INIP: variants seen among roughly 807,000 people sequenced by gnomAD.
INIP encodes the protein SOSS complex subunit C.
A neutral mutation model predicts 14.0 loss-of-function variants in INIP; 9 were observed. That is an observed-to-expected ratio of 0.64 (90% CI 0.39 to 1.12). INIP has a LOEUF of 1.12. Among genes scored for constraint, INIP ranks in the 50% most tolerant of loss-of-function variants. The pLI, the probability that INIP is intolerant of heterozygous loss-of-function variation, is 0.01. For missense variants in INIP, 78 were observed against 122.7 expected, an observed-to-expected ratio of 0.64 and a Z score of 1.72; for synonymous variants, 37 against 41.5, an observed-to-expected ratio of 0.89 and a Z score of 0.41.
At chr9:112,693,972 G>T (rs1361874817) in intron 3 of INIP, 159 bp downstream of exon 3, 1 of 424,520 alleles carries the variant, frequency 2.4e-6, no homozygotes, top group Non-Finnish European at 4.2e-6. Flanking sequence ...CTACTCGGGA[G>T]GCTGAGGCAG....
chr9:112,688,073 G>C (rs45498792), intron 4 of INIP, among the ~76,000 whole-genome samples: 1 of 148,502 alleles, frequency 6.7e-6, no homozygotes, highest in Non-Finnish European at 1.5e-5. Context: ...GCGACAGAGC[G>C]AGACTCCATC....
chr9:112,711,294 T>C (rs1838641929), intron 2 of INIP, among the ~76,000 whole-genome samples: 1 of 152,178 alleles, frequency 6.6e-6, no homozygotes, highest in South Asian at 2.1e-4. Context: ...TGCTGGTTCC[T>C]AGTAGCAGCA....
intron 4 of INIP, among the ~76,000 whole-genome samples, 194 bp from the exon 5 acceptor site, chr9:112,687,827 G>GCCT (rs1837731968): frequency 6.6e-6 from 1 of 151,900 alleles, no homozygotes; most frequent in Non-Finnish European, 1.5e-5. Flanking sequence ...GGCTCACACT[G>GCCT]GTAATCCCAG....
At chr9:112,706,536 G>A (rs149240508) in intron 2 of INIP, among the ~76,000 whole-genome samples, 35 of 152,004 alleles carry the variant, frequency 2.3e-4, no homozygotes, top group Non-Finnish European at 3.7e-4. Flanking sequence ...TTACAGGCAT[G>A]AGCCACCACA....
rs786969 is a variant in INIP at position 112,687,276 on chromosome 9, C to G, written c.*262G>C. 33,365 of 299,664 alleles carry G rather than the reference C, an allele frequency of 0.11. 2,987 individuals are homozygous for G. Among genetic ancestry groups the G allele is most frequent in the African/African-American group, 0.3 (13,851 of 46,776 alleles). 18.6% of individuals were successfully genotyped at this position (299,664 alleles called of 1,614,324 possible). On this transcript the variant is annotated 3_prime_UTR_variant, in exon 5 of 5. Coordinates refer to ENST00000374242, the MANE Select transcript of INIP (RefSeq NM_021218.3). Reference sequence around the variant, plus strand: ...AATGACTTCGTGACCATCCAGTTCACAGTCTGATTGAGAGTTAAACAGCAT... The same window carrying G: ...AATGACTTCGTGACCATCCAGTTCAGAGTCTGATTGAGAGTTAAACAGCAT...
At chr9:112,690,472 C>T (rs2173195) in intron 3 of INIP, among the ~76,000 whole-genome samples, 5,036 of 151,726 alleles carry the variant, frequency 0.033, 171 homozygotes, top group East Asian at 0.14. Flanking sequence ...GACCCTGTCT[C>T]AAAAAAAAGA....
At chr9:112,716,773 A>C (rs200165622) in intron 1 of INIP, among the ~76,000 whole-genome samples, 3 of 151,724 alleles carry the variant, frequency 2.0e-5, no homozygotes, top group Admixed American at 6.6e-5. Flanking sequence ...GGTGAAACCC[A>C]GTCTCTACTA....
intron 3 of INIP, among the ~76,000 whole-genome samples, 190 bp from the exon 4 acceptor site, chr9:112,689,807 C>T (rs1837816147): frequency 6.6e-6 from 1 of 152,142 alleles, no homozygotes; most frequent in Non-Finnish European, 1.5e-5. Flanking sequence ...AGCTAATTAA[C>T]ATATCCATCA....
In INIP at chr9:112,684,184, GAAAT is replaced by G. The variant is rs1212418425; in HGVS notation, c.*3350_*3353del. 1 of 152,122 alleles carries G rather than the reference GAAAT, an allele frequency of 6.6e-6. No individual in the cohort carries two copies. The highest frequency in any genetic ancestry group is 2.4e-5 in the African/African-American group (1 of 41,424). 9.4% of individuals were successfully genotyped at this position (152,122 alleles called of 1,614,324 possible). A position where few individuals can be genotyped will look rare whatever the true frequency, so the allele number is the denominator to read the frequency against. On this transcript the variant is annotated 3_prime_UTR_variant, in exon 5 of 5. Coordinates refer to ENST00000374242, the MANE Select transcript of INIP (RefSeq NM_021218.3). ...GAAGAAAGGAAAGGAGGAAGAGAAA[GAAAT>G]AAACAAAAATTCTTGCTCTCTAAGA...
intron 2 of INIP, among the ~76,000 whole-genome samples, chr9:112,711,978 A>G (rs1304586918): frequency 6.6e-6 from 1 of 152,200 alleles, no homozygotes; most frequent in African/African-American, 2.4e-5. Flanking sequence ...CTGGAGTCTG[A>G]CCAGTATCAG....
chr9:112,706,112 A>G (rs1588084716), intron 2 of INIP, among the ~76,000 whole-genome samples: 1 of 152,224 alleles, frequency 6.6e-6, no homozygotes, highest in East Asian at 1.9e-4. Context: ...GCTCAATGCC[A>G]TTGATCATTA....
intron 2 of INIP, among the ~76,000 whole-genome samples, chr9:112,696,043 A>T (rs1045770922): frequency 2.6e-5 from 4 of 151,084 alleles, no homozygotes; most frequent in African/African-American, 7.3e-5. Context: ...GTGAGCCAGC[A>T]TGCCCTACTA....
intron 4 of INIP, among the ~76,000 whole-genome samples, chr9:112,688,200 C>T (rs1451741085): frequency 6.6e-6 from 1 of 152,064 alleles, no homozygotes; most frequent in Non-Finnish European, 1.5e-5. Context: ...CAACAAGTTA[C>T]ACCAAGTACT....
chr9:112,689,668 CT>C (rs748744427), intron 3 of INIP, 51 bp from the exon 4 acceptor site: 170 of 1,415,616 alleles, frequency 1.2e-4, no homozygotes, highest in Non-Finnish European at 1.4e-4. Context: ...AACATCCTTA[CT>C]TTTTTTTGGA....
Position 112,716,559 on chromosome 9 carries a change from A to G in INIP, c.-56-18T>C. On this transcript the variant is annotated intron_variant, in intron 1 of 4. Coordinates refer to ENST00000374242, the MANE Select transcript of INIP (RefSeq NM_021218.3). The stretch of plus-strand genomic sequence containing the variant: ...ACAATCACCTATAAAATATGTGTAC[A>G]CACATATACAATGCACCATATTTTA... 1 of 1,213,228 alleles carries G rather than the reference A, an allele frequency of 8.2e-7. No homozygotes were observed. Among genetic ancestry groups the G allele is most frequent in the Non-Finnish European group, 1.2e-6 (1 of 815,328 alleles). The allele number at this position is 1,213,228 out of a possible 1,614,324, so 75.2% of individuals were successfully genotyped here. A position where few individuals can be genotyped will look rare whatever the true frequency, so the allele number is the denominator to read the frequency against.
rs1837861879 is a variant in INIP, at chr9:112,690,871, A to G, written c.129-1254T>C. On this transcript the variant is annotated intron_variant, in intron 3 of 4. Transcript: ENST00000374242. ...TGCGGGGTGATGCCTAAGCCACTGC[A>G]GTCATATTCTGGCCTGAGGGAGCCA... is the stretch of plus-strand genomic sequence containing the variant. 2.0e-5 allele frequency among the ~76,000 whole-genome samples: 3 copies of G among 152,192 alleles called. No homozygotes were observed. The South Asian group carries it at 6.2e-4, about 32-fold the overall frequency.
intron 2 of INIP, among the ~76,000 whole-genome samples, chr9:112,714,910 C>CTGTT (rs1838756744): frequency 6.6e-6 from 1 of 152,124 alleles, no homozygotes; most frequent in Non-Finnish European, 1.5e-5. Flanking sequence ...ACGGTACAGT[C>CTGTT]TGTTGCTCCA....
chr9:112,715,026 A>G (rs1838759668), intron 2 of INIP, among the ~76,000 whole-genome samples: 1 of 152,102 alleles, frequency 6.6e-6, no homozygotes, highest in African/African-American at 2.4e-5. Flanking sequence ...CAGTAAAAAT[A>G]TGGTTTAGGG....
Position 112,718,038 on chromosome 9 carries a change from AG to A in INIP, c.-109del, listed in dbSNP as rs1002434756. On this transcript the variant is annotated 5_prime_UTR_variant, in exon 1 of 5. Coordinates refer to ENST00000374242, the MANE Select transcript of INIP (RefSeq NM_021218.3). ...CTCTCCTTACAATCGCTGCTCTTAAAGGGGGCGCGACCACTTAGGCAAGAGG... is the reference window on the plus strand; with the variant it reads ...CTCTCCTTACAATCGCTGCTCTTAAAGGGGCGCGACCACTTAGGCAAGAGG... 1.9e-4 allele frequency: 29 copies of A among 152,616 alleles called. No homozygotes were observed. Among genetic ancestry groups the A allele is most frequent in the African/African-American group, 6.3e-4 (26 of 41,424 alleles). The allele number at this position is 152,616 out of a possible 1,614,324, so 9.5% of individuals were successfully genotyped here. A position where few individuals can be genotyped will look rare whatever the true frequency, so the allele number is the denominator to read the frequency against.
Sources: gnomAD v4.1 joint callset for allele counts (sites outside exome capture counted in the v4.1 genomes callset) on GRCh38, gnomAD v4.1.1 for gene constraint, MANE v1.5 for transcripts, NCBI Gene and HGNC (gene_info 2026-07-23, HGNC 2026-07-21) for gene names.